The following PDE4D variants were observed in gnomAD, a reference collection of about 807,000 sequenced individuals.
The protein encoded by PDE4D is 3',5'-cyclic-AMP phosphodiesterase 4D.
In PDE4D, 24 loss-of-function variants were observed where a neutral mutation model predicts 87.4. The ratio of observed to expected loss-of-function variants is 0.27; its 90% CI spans 0.20 to 0.39. The LOEUF (loss-of-function observed/expected upper bound fraction) is 0.39. Ranked by LOEUF, PDE4D falls within the 10% of genes least tolerant of loss-of-function variation. PDE4D has a pLI of 1.00. For synonymous variants in PDE4D, 384 were observed against 383.2 expected (o/e 1.00, Z -0.02); for missense variants, 714 against 1,041.0 (o/e 0.69, Z 4.32).
intron 1 of PDE4D, among the ~76,000 whole-genome samples, chr5:59,371,556 G>T (rs1236936488): frequency 1.3e-5 from 2 of 151,994 alleles, no homozygotes; most frequent in Admixed American, 6.5e-5. Context: ...GGTGGTTTTT[G>T]ATCTTACTGC....
In PDE4D at chr5:59,888,146, G is replaced by A. The variant is rs535402093; in HGVS notation, c.455+5022C>T. 1.1e-3 allele frequency among the ~76,000 whole-genome samples: 167 copies of A among 152,306 alleles called. 4 individuals carry two copies. The South Asian group carries it at 0.031, about 29-fold the overall frequency. On this transcript the variant is annotated intron_variant, in intron 1 of 14. Coordinates refer to ENST00000340635, the MANE Select transcript of PDE4D (RefSeq NM_001104631.2). The stretch of plus-strand genomic sequence containing the variant: ...TCTTAGAGAAATATGTCTTGTTGAT[G>A]TGGTCAATTACCTATTTTCATGCTA...
At chr5:59,634,074 G>T (rs1831937666) in intron 1 of PDE4D, among the ~76,000 whole-genome samples, 1 of 151,670 alleles carries the variant, frequency 6.6e-6, no homozygotes, top group South Asian at 2.1e-4. Context: ...AAAAAAAAAA[G>T]GTGTTGTAAT....
At chr5:60,161,075 TAGA>T (rs1405135235) in intron 2 of PDE4D, among the ~76,000 whole-genome samples, 1 of 152,136 alleles carries the variant, frequency 6.6e-6, no homozygotes, top group Non-Finnish European at 1.5e-5. Context: ...TAAAAGAAAG[TAGA>T]AGGAGAAGGA....
chr5:59,320,196 G>A (rs1245919874), intron 1 of PDE4D, among the ~76,000 whole-genome samples: 1 of 152,062 alleles, frequency 6.6e-6, no homozygotes, highest in Non-Finnish European at 1.5e-5. Context: ...GTGTGCAGGT[G>A]TGTTTAGGCA....
Position 59,818,427 on chromosome 5 carries a change from TA to T in PDE4D, c.455+74740del, listed in dbSNP as rs1769245311. Among the ~76,000 whole-genome samples, 3 of 152,334 alleles carry T rather than the reference TA, an allele frequency of 2.0e-5. No individual in the cohort carries two copies. The South Asian group carries it at 6.2e-4, about 32-fold the overall frequency. On this transcript the variant is annotated intron_variant, in intron 1 of 14. Transcript: ENST00000340635. ...TAGTAGCTATTATTATTGCTATCAA[TA>T]CAACTACTATCTCTATTATTACAAC...
intron 1 of PDE4D, among the ~76,000 whole-genome samples, chr5:59,549,850 C>G (rs1441331861): frequency 6.6e-6 from 1 of 151,952 alleles, no homozygotes; most frequent in Non-Finnish European, 1.5e-5. Context: ...TGGTTTTACT[C>G]TACTAACTCC....
At chr5:60,413,438 T>C (rs1361904237) in intron 1 of PDE4D, among the ~76,000 whole-genome samples, 1 of 152,130 alleles carries the variant, frequency 6.6e-6, no homozygotes, top group African/African-American at 2.4e-5. Flanking sequence ...AGCCTTTCAT[T>C]TTCTGAAGAT....
chr5:59,614,795 G>A (rs1301213892), intron 1 of PDE4D, among the ~76,000 whole-genome samples: 2 of 151,866 alleles, frequency 1.3e-5, no homozygotes, highest in Admixed American at 6.6e-5. Flanking sequence ...AGGCAACTGT[G>A]CTGATATTCA....
rs1580495374 is a variant in PDE4D, at chr5:59,697,751, T to C, written c.455+195417A>G. Among the ~76,000 whole-genome samples, 4 of 152,324 alleles carry C rather than the reference T, an allele frequency of 2.6e-5. 1 individual carries two copies. The highest frequency in any genetic ancestry group is 9.6e-5 in the African/African-American group (4 of 41,580). On this transcript the variant is annotated intron_variant, in intron 1 of 14. Transcript: ENST00000340635. ...TCTCTGCTATTCTGATGAGTTGTTATTATGTACTTGCTAAGAAACAACAGC... is the reference window on the plus strand; with the variant it reads ...TCTCTGCTATTCTGATGAGTTGTTACTATGTACTTGCTAAGAAACAACAGC...
At chr5:59,312,329 C>T (rs944913067) in intron 1 of PDE4D, among the ~76,000 whole-genome samples, 7 of 152,196 alleles carry the variant, frequency 4.6e-5, no homozygotes, top group African/African-American at 1.2e-4. Flanking sequence ...AGACCATCTG[C>T]GGAGCAGCAA....
chr5:60,441,169 C>T (rs540521801), intron 1 of PDE4D, among the ~76,000 whole-genome samples: 41 of 152,160 alleles, frequency 2.7e-4, no homozygotes, highest in South Asian at 2.1e-3. Flanking sequence ...GGAGGCATCA[C>T]GCTACCTGAC....
At chr5:60,004,336 A>G (rs1764279890) in intron 2 of PDE4D, among the ~76,000 whole-genome samples, 1 of 152,174 alleles carries the variant, frequency 6.6e-6, no homozygotes, top group Non-Finnish European at 1.5e-5. Flanking sequence ...AAATCTTCAG[A>G]TGCTCAAGTC....
intron 1 of PDE4D, among the ~76,000 whole-genome samples, chr5:59,296,013 CAG>C (rs1769018588): frequency 6.6e-6 from 1 of 151,636 alleles, no homozygotes; most frequent in African/African-American, 2.4e-5. Context: ...CTCAATTGTA[CAG>C]AGAAATGTGA....
chr5:59,097,352 G>A (rs1270644201), intron 5 of PDE4D, among the ~76,000 whole-genome samples: 1 of 152,166 alleles, frequency 6.6e-6, no homozygotes, highest in Non-Finnish European at 1.5e-5. Context: ...TTGCATTCCA[G>A]AGAAGTACAA....
At chr5:60,519,604 G>GA (rs35856431) in intron 1 of PDE4D, among the ~76,000 whole-genome samples, 13,460 of 151,800 alleles carry the variant, frequency 0.089, 795 homozygotes, top group Non-Finnish European at 0.12. Flanking sequence ...GTCCTGTTTG[G>GA]AAAAAAAAGA....
intron 1 of PDE4D, among the ~76,000 whole-genome samples, chr5:59,383,210 G>T (rs1432232161): frequency 6.6e-6 from 1 of 152,032 alleles, no homozygotes; most frequent in African/African-American, 2.4e-5. Flanking sequence ...TCTTTAGCAC[G>T]GTCTCTACAT....
intron 1 of PDE4D, among the ~76,000 whole-genome samples, chr5:60,389,796 G>A (rs1340035464): frequency 6.6e-6 from 1 of 152,068 alleles, no homozygotes; most frequent in African/African-American, 2.4e-5. Flanking sequence ...CATTTCTGAA[G>A]GTCTGCACCA....
intron 11 of PDE4D, among the ~76,000 whole-genome samples, chr5:58,986,056 T>C (rs140859920): frequency 2.0e-5 from 3 of 152,330 alleles, no homozygotes; most frequent in Non-Finnish European, 4.4e-5. Flanking sequence ...AAAAAAACTT[T>C]AGCAATCCAA....
intron 1 of PDE4D, among the ~76,000 whole-genome samples, chr5:59,791,668 C>T (rs770952231): frequency 3.9e-5 from 6 of 152,142 alleles, no homozygotes; most frequent in Non-Finnish European, 7.4e-5. Flanking sequence ...AGACCGGGCC[C>T]TGTAAGGGTT....
Sources: allele counts gnomAD v4.1 joint callset (sites outside exome capture counted in the v4.1 genomes callset), GRCh38; gene constraint gnomAD v4.1.1; transcripts MANE v1.5; gene names NCBI Gene and HGNC (gene_info 2026-07-23, HGNC 2026-07-21).